Variants in CNTLN observed in about 807,000 individuals in gnomAD.
CNTLN encodes centlein, centrosomal protein.
CNTLN carries 212 observed loss-of-function variants against 180.0 expected under a neutral mutation model. The ratio of observed to expected loss-of-function variants is 1.18; its 90% confidence interval spans 1.05 to 1.32. CNTLN has a LOEUF of 1.32. CNTLN is among the 40% of genes most tolerant of loss of function. The pLI is 0.00. For missense variants in CNTLN, 2,095 were observed against 1,610.9 expected (o/e 1.30, Z -5.14); for synonymous variants, 722 against 563.1 (o/e 1.28, Z -3.99).
At chr9:17,384,487 G>C (rs1490569551) in intron 13 of CNTLN, among the ~76,000 whole-genome samples, 2 of 152,078 alleles carry the variant, frequency 1.3e-5, no homozygotes. Context: ...GATGGTCTGG[G>C]TCTCCAGAAA....
chr9:17,200,273 G>C (rs1315243977), intron 2 of CNTLN, among the ~76,000 whole-genome samples: 1 of 151,924 alleles, frequency 6.6e-6, no homozygotes, highest in South Asian at 2.1e-4. Context: ...AGGTAGCTTG[G>C]GGCCTCCAAC....
intron 25 of CNTLN, among the ~76,000 whole-genome samples, chr9:17,492,378 A>T (rs1002848793): frequency 1.3e-5 from 2 of 152,068 alleles, no homozygotes; most frequent in Non-Finnish European, 2.9e-5. Flanking sequence ...AGTATTCTAA[A>T]ATTAAGTCTC....
chr9:17,179,204 A>G (rs1820956391), intron 2 of CNTLN, among the ~76,000 whole-genome samples: 1 of 140,300 alleles, frequency 7.1e-6, no homozygotes, highest in South Asian at 2.2e-4. Flanking sequence ...AGATCCCGCC[A>G]CTGCACTCCA....
At chr9:17,474,335 A>C (rs1832213484) in intron 23 of CNTLN, among the ~76,000 whole-genome samples, 1 of 152,144 alleles carries the variant, frequency 6.6e-6, no homozygotes, top group Non-Finnish European at 1.5e-5. Flanking sequence ...TTCACTAGTC[A>C]TCCAGATGGT....
intron 5 of CNTLN, among the ~76,000 whole-genome samples, chr9:17,252,588 TA>T (rs1358457613): frequency 6.6e-6 from 1 of 151,728 alleles, no homozygotes; most frequent in African/African-American, 2.4e-5. Context: ...TGTGATTTTT[TA>T]AAAACTGTTG....
At chr9:17,187,898 G>T (rs750776494) in intron 2 of CNTLN, among the ~76,000 whole-genome samples, 10 of 150,904 alleles carry the variant, frequency 6.6e-5, no homozygotes. Context: ...CTCCAGCTTT[G>T]TGTGAGTTTT....
At chr9:17,427,103 A>G (rs559678370) in intron 18 of CNTLN, among the ~76,000 whole-genome samples, 2 of 152,122 alleles carry the variant, frequency 1.3e-5, no homozygotes, top group Non-Finnish European at 2.9e-5. Context: ...AGGATTCTCA[A>G]ATTTGGCCTC....
chr9:17,366,122 T>C (rs983272743), intron 12 of CNTLN, among the ~76,000 whole-genome samples: 2 of 152,152 alleles, frequency 1.3e-5, no homozygotes, highest in Non-Finnish European at 2.9e-5. Context: ...TTGGGCATAT[T>C]ATTACTATTT....
intron 11 of CNTLN, among the ~76,000 whole-genome samples, chr9:17,341,157 T>C (rs1049152761): frequency 3.3e-5 from 5 of 152,188 alleles, no homozygotes; most frequent in African/African-American, 9.7e-5. Flanking sequence ...TTTGCAGATA[T>C]CATTAGCAGT....
intron 18 of CNTLN, among the ~76,000 whole-genome samples, chr9:17,430,918 G>GTA (rs1367960513): frequency 6.6e-6 from 1 of 152,048 alleles, no homozygotes; most frequent in Non-Finnish European, 1.5e-5. Flanking sequence ...ATTCTATTGT[G>GTA]TATATATATC....
intron 3 of CNTLN, among the ~76,000 whole-genome samples, chr9:17,234,415 A>G (rs1825007802): frequency 6.6e-6 from 1 of 150,692 alleles, no homozygotes; most frequent in Non-Finnish European, 1.5e-5. Flanking sequence ...TGCACTCCAG[A>G]GTGGGTGACA....
At chr9:17,332,292 C>T (rs1346489417) in intron 9 of CNTLN, among the ~76,000 whole-genome samples, 1 of 152,068 alleles carries the variant, frequency 6.6e-6, no homozygotes, top group Non-Finnish European at 1.5e-5. Context: ...AGACCAGCCT[C>T]TATCCCCTCC....
the CNTLN span, among the ~76,000 whole-genome samples, chr9:17,517,030 G>C: frequency 1.4e-5 from 2 of 144,206 alleles, no homozygotes; most frequent in African/African-American, 2.9e-5. Flanking sequence ...GGATCAAAAG[G>C]TATCTTGAGT....
Position 17,290,383 on chromosome 9 carries a change from C to T in CNTLN, c.984-7807C>T, listed in dbSNP as rs1469038074. Among the ~76,000 whole-genome samples, 6 of 149,484 alleles carry T rather than the reference C, an allele frequency of 4.0e-5. No individual in the cohort carries two copies. In the East Asian group the frequency reaches 9.8e-4, roughly 24 times the overall value. On this transcript the variant is annotated intron_variant, in intron 6 of 25. Coordinates refer to ENST00000380647, the MANE Select transcript of CNTLN (RefSeq NM_017738.4). ...CTGCCCGTTCTCAGATCTCCAGCTG[C>T]GTGCTGGGAGAACCACTGCTCTCTT...
intron 2 of CNTLN, among the ~76,000 whole-genome samples, chr9:17,203,383 C>T (rs968962327): frequency 4.0e-5 from 6 of 151,880 alleles, no homozygotes; most frequent in Admixed American, 2.0e-4. Flanking sequence ...GTTGGCCTGT[C>T]TTGCTAGGTT....
intron 25 of CNTLN, among the ~76,000 whole-genome samples, chr9:17,496,823 G>A (rs1196177485): frequency 6.6e-6 from 1 of 152,136 alleles, no homozygotes; most frequent in Non-Finnish European, 1.5e-5. Flanking sequence ...GAGCATACAA[G>A]GAATGGACAT....
intron 8 of CNTLN, among the ~76,000 whole-genome samples, chr9:17,324,342 T>G (rs2133063251): frequency 6.6e-6 from 1 of 152,318 alleles, no homozygotes; most frequent in African/African-American, 2.4e-5. Flanking sequence ...GTGAGGCTTA[T>G]AACATATTTT....
chr9:17,248,540 A>G (rs201965109), intron 5 of CNTLN, among the ~76,000 whole-genome samples: 3 of 147,320 alleles, frequency 2.0e-5, no homozygotes, highest in South Asian at 2.1e-4. Context: ...ATAATTATAA[A>G]TATATTTAAT....
intron 16 of CNTLN, among the ~76,000 whole-genome samples, chr9:17,413,373 A>T (rs183961550): frequency 6.6e-6 from 1 of 152,292 alleles, no homozygotes; most frequent in East Asian, 1.9e-4. Flanking sequence ...TTTAGACATG[A>T]TACCAAAAGC....
Sources: gnomAD v4.1 joint callset for allele counts (sites outside exome capture counted in the v4.1 genomes callset) on GRCh38, gnomAD v4.1.1 for gene constraint, MANE v1.5 for transcripts, NCBI Gene and HGNC (gene_info 2026-07-23, HGNC 2026-07-21) for gene names.